The following COL25A1 variants were observed in gnomAD, a reference collection of about 807,000 sequenced individuals.
COL25A1 encodes the protein collagen alpha-1(XXV) chain.
In COL25A1, 103 loss-of-function variants were observed where a neutral mutation model predicts 128.4. The ratio of observed to expected loss-of-function variants is 0.80; its 90% confidence interval spans 0.68 to 0.94. The LOEUF (loss-of-function observed/expected upper bound fraction) is 0.94, where lower values mean the gene tolerates loss of function less well. COL25A1 is among the 40% of genes least tolerant of loss of function. COL25A1 has a pLI of 0.00. For missense variants in COL25A1, 745 were observed against 840.0 expected (o/e 0.89, Z 1.40); for synonymous variants, 279 against 277.2 (o/e 1.01, Z -0.06).
chr4:109,083,452 T>TAA lies in COL25A1; in HGVS notation c.368-33274_368-33273insTT, dbSNP rs1560659251. 9.9e-3 allele frequency among the ~76,000 whole-genome samples: 1,093 copies of TAA among 110,448 alleles called. 57 individuals carry two copies. Among genetic ancestry groups the TAA allele is most frequent in the African/African-American group, 0.039 (1,044 of 26,950 alleles). 72.5% of individuals were successfully genotyped at this position (110,448 alleles called of 152,430 possible). ...AATAACTTTTACACTAAATAAATTT[T>TAA]TTTTTTTTTTTTTTTTTTTTTTTTT... On this transcript the variant is annotated intron_variant, in intron 3 of 37. Transcript: ENST00000399132.
intron 16 of COL25A1, among the ~76,000 whole-genome samples, chr4:108,891,924 T>C (rs1385015328): frequency 2.0e-5 from 3 of 152,166 alleles, no homozygotes; most frequent in Non-Finnish European, 4.4e-5. Flanking sequence ...AGACAGTTTC[T>C]TGAAAGGCCA....
chr4:108,902,400 C>A (rs954524987), intron 13 of COL25A1, among the ~76,000 whole-genome samples: 1 of 152,026 alleles, frequency 6.6e-6, no homozygotes, highest in African/African-American at 2.4e-5. Flanking sequence ...AGGACTTGAA[C>A]CTTCATGGTT....
At chr4:109,232,545 G>A (rs1037614159) in intron 3 of COL25A1, among the ~76,000 whole-genome samples, 1 of 152,074 alleles carries the variant, frequency 6.6e-6, no homozygotes, top group African/African-American at 2.4e-5. Context: ...AGAAAGACTT[G>A]ATCAAGAATG....
chr4:109,259,991 G>A lies in COL25A1; in HGVS notation c.367+40592C>T, dbSNP rs139842064. ...TTTACGACAAACAGGCGATGCAGGC[G>A]ATGCAAACTCTTTCTCAAATTTTTA... is the stretch of plus-strand genomic sequence containing the variant. On this transcript the variant is annotated intron_variant, in intron 3 of 37. Coordinates refer to ENST00000399132, the MANE Select transcript of COL25A1 (RefSeq NM_198721.4). Among the ~76,000 whole-genome samples, 69 of 152,300 alleles carry A rather than the reference G, an allele frequency of 4.5e-4. No homozygotes were observed. The East Asian group carries it at 0.011, about 23-fold the overall frequency.
At chr4:109,014,142 A>C (rs1210137776) in intron 5 of COL25A1, among the ~76,000 whole-genome samples, 1 of 152,136 alleles carries the variant, frequency 6.6e-6, no homozygotes, top group Non-Finnish European at 1.5e-5. Flanking sequence ...CCCCGTCTCT[A>C]CTAAAAATAC....
chr4:109,016,659 G>A (rs1212397062), intron 5 of COL25A1, among the ~76,000 whole-genome samples: 1 of 152,248 alleles, frequency 6.6e-6, no homozygotes, highest in Non-Finnish European at 1.5e-5. Context: ...ACCACTCTGG[G>A]TCTTCTATTT....
chr4:109,189,582 C>T (rs1230895205), intron 3 of COL25A1, among the ~76,000 whole-genome samples: 2 of 147,318 alleles, frequency 1.4e-5, no homozygotes, highest in African/African-American at 5.0e-5. Flanking sequence ...ATTTTTCACT[C>T]ATATCAACAA....
At chr4:109,125,366 C>G (rs1037873195) in intron 3 of COL25A1, among the ~76,000 whole-genome samples, 4 of 152,212 alleles carry the variant, frequency 2.6e-5, no homozygotes, top group African/African-American at 9.6e-5. Flanking sequence ...GGAAGTAACA[C>G]TTCTAAATTA....
At chr4:109,276,408 T>C (rs973363644) in intron 3 of COL25A1, among the ~76,000 whole-genome samples, 16 of 132,238 alleles carry the variant, frequency 1.2e-4, no homozygotes, top group Admixed American at 1.0e-3. Context: ...CAAGACTCTG[T>C]CTCAAAAAAA....
chr4:108,913,509 C>T (rs1233415974), intron 13 of COL25A1, among the ~76,000 whole-genome samples: 5 of 151,984 alleles, frequency 3.3e-5, no homozygotes, highest in Non-Finnish European at 5.9e-5. Flanking sequence ...CCACCCACCT[C>T]GGCCTCCCAA....
intron 6 of COL25A1, among the ~76,000 whole-genome samples, chr4:108,985,750 T>G (rs1578988489): frequency 1.3e-5 from 2 of 152,224 alleles, no homozygotes; most frequent in South Asian, 4.1e-4. Flanking sequence ...AAACCTTTTT[T>G]GTTTTTTACT....
In COL25A1 at chr4:109,301,907, G is replaced by A. The variant is rs762387715; in HGVS notation, c.113C>T (p.Ala38Val). 25 of 1,613,964 alleles carry A rather than the reference G, an allele frequency of 1.5e-5. No homozygotes were observed. The highest frequency in any genetic ancestry group is 2.1e-5 in the Non-Finnish European group (25 of 1,180,048). Reference sequence around the variant, plus strand: ...CACGGCCACCACTGACAGGAGGGCCGCCAGGACGGCACACGGGGGCATGGT... The same window carrying A: ...CACGGCCACCACTGACAGGAGGGCCACCAGGACGGCACACGGGGGCATGGT... ...ARTMPPCAVL[A>V]ALLSVVAVVS... The change falls in exon 2 of 38, where the codon GCG becomes GTG. Residue 38 changes from alanine to valine, a missense_variant. Physicochemically the swap from Ala to Val is moderately conservative, Grantham distance 64. Transcript: ENST00000399132.
intron 13 of COL25A1, among the ~76,000 whole-genome samples, chr4:108,915,118 C>T (rs555425063): frequency 6.6e-6 from 1 of 152,168 alleles, no homozygotes; most frequent in Non-Finnish European, 1.5e-5. Context: ...AGATTGGAGT[C>T]TAATGCCATG....
At chr4:108,822,461 G>A (rs1344892462) in intron 35 of COL25A1, among the ~76,000 whole-genome samples, 1 of 152,106 alleles carries the variant, frequency 6.6e-6, no homozygotes, top group East Asian at 1.9e-4. Context: ...CTGTCACCCA[G>A]GCTAAAGTAC....
chr4:109,089,448 T>A (rs1764708458), intron 3 of COL25A1, among the ~76,000 whole-genome samples: 1 of 152,210 alleles, frequency 6.6e-6, no homozygotes, highest in Admixed American at 6.5e-5. Flanking sequence ...AGTAATTTCT[T>A]ATATAAAACC....
intron 31 of COL25A1, among the ~76,000 whole-genome samples, chr4:108,838,481 T>G (rs1734061176): frequency 6.6e-6 from 1 of 152,176 alleles, no homozygotes; most frequent in South Asian, 2.1e-4. Flanking sequence ...TACCACATTT[T>G]TATGATCAAA....
At chr4:109,278,705 A>C (rs1485693359) in intron 3 of COL25A1, among the ~76,000 whole-genome samples, 4 of 152,214 alleles carry the variant, frequency 2.6e-5, no homozygotes, top group Non-Finnish European at 5.9e-5. Flanking sequence ...GTTTATAAAG[A>C]ATTTGGTGAC....
At chr4:109,014,936 T>G (rs1326875230) in intron 5 of COL25A1, among the ~76,000 whole-genome samples, 1 of 152,198 alleles carries the variant, frequency 6.6e-6, no homozygotes, top group Non-Finnish European at 1.5e-5. Flanking sequence ...GTCCTCTCAC[T>G]CACTAGGATG....
At chr4:109,269,306 C>T (rs190620465) in intron 3 of COL25A1, among the ~76,000 whole-genome samples, 4,548 of 151,010 alleles carry the variant, frequency 0.03, 202 homozygotes, top group African/African-American at 0.093. Flanking sequence ...TGTATATATG[C>T]CACATTTTCT....
Sources: allele counts gnomAD v4.1 joint callset (sites outside exome capture counted in the v4.1 genomes callset), GRCh38; gene constraint gnomAD v4.1.1; transcripts MANE v1.5; gene names NCBI Gene and HGNC (gene_info 2026-07-23, HGNC 2026-07-21).